Variants in EDEM3 observed in about 807,000 individuals in gnomAD.
The protein encoded by EDEM3 is ER degradation-enhancing alpha-mannosidase-like protein 3.
Under a neutral mutation model 110.2 loss-of-function variants are expected in EDEM3, and 60 were observed. The observed-to-expected ratio is 0.54, with a 90% CI of 0.44 to 0.67. The LOEUF (loss-of-function observed/expected upper bound fraction) is 0.67, where lower values mean the gene tolerates loss of function less well. Among genes scored for constraint, EDEM3 ranks in the 30% least tolerant of loss-of-function variants. The probability of loss-of-function intolerance (pLI) is 0.00; values close to 1 mark genes in which losing one functional copy is unlikely to be tolerated. For synonymous variants in EDEM3, 352 were observed against 382.9 expected, an observed-to-expected ratio of 0.92 and a Z score of 0.94; for missense variants, 996 against 1,121.0, an observed-to-expected ratio of 0.89 and a Z score of 1.59.
intron 16 of EDEM3, among the ~76,000 whole-genome samples, chr1:184,709,991 T>C (rs1326181329): frequency 6.6e-6 from 1 of 152,156 alleles, no homozygotes; most frequent in Non-Finnish European, 1.5e-5. Context: ...ATGAACAAAA[T>C]ACTTAAGATT....
intron 6 of EDEM3, among the ~76,000 whole-genome samples, chr1:184,727,831 GT>G (rs1332046113): frequency 6.6e-6 from 1 of 152,086 alleles, no homozygotes; most frequent in African/African-American, 2.4e-5. Context: ...GTTTTAGGTA[GT>G]TCTGCACCAC....
chr1:184,737,686 A>G lies in EDEM3; in HGVS notation c.230T>C (p.Leu77Pro). ...TCGACCTCTACAGGTTAAAGGCATG[A>G]GTTCATCAGCAGGGTAAGCATGTTC... Reference protein sequence around the residue: ...YMEHAYPADELMPLTCRGRVR... With the variant: ...YMEHAYPADEPMPLTCRGRVR... The change falls in exon 3 of 20, where the codon CTC (leucine) becomes CCC (proline). Residue 77 changes from leucine (L) to proline (P), a missense_variant. Physicochemically the swap from Leu to Pro is moderately conservative, Grantham distance 98. This residue lies in a region of EDEM3 where 200 missense variants were observed against 183.8 expected (regional missense o/e 1.09). Transcript: ENST00000318130. 1.9e-6 allele frequency: 3 copies of G among 1,614,034 alleles called. No individual in the cohort carries two copies. The highest frequency in any genetic ancestry group is 2.5e-6 in the Non-Finnish European group (3 of 1,179,886).
chr1:184,707,928 T>C (rs529462624), intron 17 of EDEM3, among the ~76,000 whole-genome samples: 2 of 152,322 alleles, frequency 1.3e-5, no homozygotes, highest in Admixed American at 6.5e-5. Context: ...AGAAATTGAA[T>C]AGAACCTGAA....
At chr1:184,707,232 T>G (rs1002700725) in intron 17 of EDEM3, among the ~76,000 whole-genome samples, 2 of 152,348 alleles carry the variant, frequency 1.3e-5, no homozygotes, top group African/African-American at 4.8e-5. Flanking sequence ...AAATGATCAT[T>G]GGTAACAAGA....
At position 184,694,103 on chromosome 1, in the gene EDEM3, T is replaced by C; in HGVS notation, c.2759A>G (p.Asp920Gly). The C allele has an allele frequency of 6.2e-7, 1 of 1,613,180 alleles. No homozygotes were observed. The highest frequency in any genetic ancestry group is 8.5e-7 in the Non-Finnish European group (1 of 1,179,460). Residue 920 changes from aspartate (D) to glycine (G), a missense_variant, in exon 20 of 20, where the codon GAT becomes GGT. Coordinates refer to ENST00000318130, the MANE Select transcript of EDEM3 (RefSeq NM_025191.4). ...IDSILADWNEDIEAFEMMEKD... is the reference protein window; with the variant it reads ...IDSILADWNEGIEAFEMMEKD... The stretch of plus-strand genomic sequence containing the variant: ...CTCCATCATTTCAAATGCTTCTATA[T>C]CTTCATTCCAGTCTGCTAATATGGA...
intron 18 of EDEM3, among the ~76,000 whole-genome samples, chr1:184,704,751 T>C (rs114933639): frequency 1.4e-5 from 2 of 139,546 alleles, no homozygotes; most frequent in African/African-American, 5.4e-5. Context: ...TTCCAACTAA[T>C]AGCTACCAAA....
chr1:184,710,645 A>T, intron 15 of EDEM3, 98 bp from the exon 16 acceptor site: 1 of 1,417,648 alleles, frequency 7.1e-7, no homozygotes, highest in Non-Finnish European at 9.4e-7. Context: ...CAAAATTGCT[A>T]GTTTTAGAAC....
chr1:184,750,732 C>T (rs1432833110), intron 1 of EDEM3, among the ~76,000 whole-genome samples: 1 of 151,906 alleles, frequency 6.6e-6, no homozygotes. Context: ...AGGCTGGTCT[C>T]GAACTCCTGA....
rs767268568 is a variant in EDEM3, at chr1:184,694,347, A to T, written c.2515T>A (p.Ser839Thr). Residue 839 changes from serine to threonine, a missense_variant, in exon 20 of 20, where the codon TCT (serine) becomes ACT (threonine). Around this residue, in one of 5 missense-constraint regions of EDEM3, gnomAD observed 345 missense variants for 402.0 expected, o/e 0.86. Transcript: ENST00000318130. ...AATGATTCTGGGTGAGAATTTAGAG[A>T]ATTTTCCTCAGAAGACTCTTGATCA... ...LVDQESSEEN[S>T]LNSHPESLSL... 1.9e-6 allele frequency: 3 copies of T among 1,612,796 alleles called. No homozygotes were observed.
intron 13 of EDEM3, among the ~76,000 whole-genome samples, chr1:184,716,124 A>G (rs1455486611): frequency 6.6e-6 from 1 of 152,162 alleles, no homozygotes; most frequent in African/African-American, 2.4e-5. Context: ...ACACATATAC[A>G]ATGTTTTAAA....
chr1:184,714,954 A>T (rs1650463064), intron 13 of EDEM3, among the ~76,000 whole-genome samples: 1 of 152,168 alleles, frequency 6.6e-6, no homozygotes, highest in Admixed American at 6.5e-5. Context: ...ATCTAATAAC[A>T]CAATATGATG....
In EDEM3 at chr1:184,753,870, T is replaced by A. The variant is rs142850593; in HGVS notation, c.158+619A>T. Among the ~76,000 whole-genome samples the A allele has an allele frequency of 2.9e-3, 435 of 152,308 alleles. 5 individuals are homozygous for A. The East Asian group carries it at 0.036, about 13-fold the overall frequency. On this transcript the variant is annotated intron_variant, in intron 1 of 19. Coordinates refer to ENST00000318130, the MANE Select transcript of EDEM3 (RefSeq NM_025191.4). Reference sequence around the variant, plus strand: ...ATTACTCTGAATTAAATGGTGTAAATAGAATTGATAATTTTAACACACTTC... The same window carrying A: ...ATTACTCTGAATTAAATGGTGTAAAAAGAATTGATAATTTTAACACACTTC...
chr1:184,723,535 T>C (rs564723105), intron 8 of EDEM3, among the ~76,000 whole-genome samples: 5 of 152,180 alleles, frequency 3.3e-5, no homozygotes, highest in Admixed American at 2.0e-4. Flanking sequence ...TATAATGCTA[T>C]ATCCATTAAG....
chr1:184,708,301 T>G lies in EDEM3; in HGVS notation c.1889A>C (p.Gln630Pro), dbSNP rs1254705083. The G allele has an allele frequency of 1.2e-6, 2 of 1,613,542 alleles. No individual in the cohort carries two copies. Residue 630 changes from glutamine to proline, a missense_variant, in exon 17 of 20, where the codon CAG becomes CCG. Gln to Pro is a moderately conservative substitution (Grantham distance 76). Around this residue, in one of 5 missense-constraint regions of EDEM3, gnomAD observed 345 missense variants for 402.0 expected, o/e 0.86. Transcript: ENST00000318130. The stretch of plus-strand genomic sequence containing the variant: ...CTGACTTGACAATTCAATCATCTCC[T>G]GCATGAACCTCAACCCATCTTCAGC... ...IDAEDGLRFM[Q>P]EMIELSSQQQ... is the part of the protein sequence containing the mutation.
At chr1:184,740,409 T>G (rs948301411) in intron 2 of EDEM3, among the ~76,000 whole-genome samples, 13 of 152,218 alleles carry the variant, frequency 8.5e-5, no homozygotes, top group Non-Finnish European at 1.6e-4. Flanking sequence ...TCAGTTATCA[T>G]GATATATTAA....
intron 19 of EDEM3, among the ~76,000 whole-genome samples, chr1:184,702,000 T>A (rs1045096236): frequency 1.3e-5 from 2 of 152,080 alleles, no homozygotes; most frequent in Non-Finnish European, 2.9e-5. Context: ...TGTACTATTA[T>A]GCAACTTCAT....
At chr1:184,754,431 C>T (rs1363317672) in intron 1 of EDEM3, 58 bp downstream of exon 1, 1 of 1,603,628 alleles carries the variant, frequency 6.2e-7, no homozygotes, top group Non-Finnish European at 8.5e-7. Flanking sequence ...CAATGACAGG[C>T]ACCCCTCCTG....
chr1:184,717,724 T>C (rs1231612276), intron 11 of EDEM3, 101 bp from the exon 12 acceptor site: 1 of 747,294 alleles, frequency 1.3e-6, no homozygotes, highest in Non-Finnish European at 2.0e-6. Flanking sequence ...GCAATTAAAA[T>C]AGCAATCAGG....
chr1:184,749,622 A>G (rs1162620234), intron 1 of EDEM3, 30 bp from the exon 2 acceptor site: 1 of 1,434,360 alleles, frequency 7.0e-7, no homozygotes. Flanking sequence ...AATGGAAAAA[A>G]AAAAAAAAAA....
Sources: gnomAD v4.1 joint callset for allele counts (sites outside exome capture counted in the v4.1 genomes callset) on GRCh38, gnomAD v4.1.1 for gene constraint, gnomAD v4.1.1 regional missense constraint, MANE v1.5 for transcripts, NCBI Gene and HGNC (gene_info 2026-07-23, HGNC 2026-07-21) for gene names.